Variants in ZFPM2 observed in about 807,000 individuals in gnomAD.
The protein encoded by ZFPM2 is zinc finger protein, FOG family member 2.
Under a neutral mutation model 98.6 loss-of-function variants are expected in ZFPM2, and 20 were observed. The observed-to-expected ratio is 0.20, with a 90% CI of 0.14 to 0.29. The LOEUF is 0.29. Ranked by LOEUF, ZFPM2 falls within the 10% of genes least tolerant of loss-of-function variation. The pLI, the probability that ZFPM2 is intolerant of heterozygous loss-of-function variation, is 1.00. For missense variants in ZFPM2, 1,310 were observed against 1,388.6 expected, an observed-to-expected ratio of 0.94 and a Z score of 0.90; for synonymous variants, 518 against 502.7, an observed-to-expected ratio of 1.03 and a Z score of -0.41.
At chr8:105,557,389 G>A (rs1308830141) in intron 3 of ZFPM2, among the ~76,000 whole-genome samples, 3 of 152,060 alleles carry the variant, frequency 2.0e-5, no homozygotes, top group African/African-American at 7.2e-5. Context: ...CTTCTTTATA[G>A]CTACTTTAAT....
chr8:105,506,166 G>C (rs1813694483), intron 3 of ZFPM2, among the ~76,000 whole-genome samples: 1 of 152,152 alleles, frequency 6.6e-6, no homozygotes, highest in African/African-American at 2.4e-5. Context: ...GCAGCAAGCA[G>C]TGAGCACTTG....
At chr8:105,419,053 C>A in intron 1 of ZFPM2, 91 bp from the exon 2 acceptor site, 2 of 1,235,194 alleles carry the variant, frequency 1.6e-6, no homozygotes. Context: ...ATTTTTCTCA[C>A]CACTGTAACA....
At chr8:105,458,535 G>A (rs1458416634) in intron 3 of ZFPM2, among the ~76,000 whole-genome samples, 1 of 151,970 alleles carries the variant, frequency 6.6e-6, no homozygotes, top group African/African-American at 2.4e-5. Flanking sequence ...ACAACAAATA[G>A]ACAAATATAT....
chr8:105,550,252 C>T (rs1167798859), intron 3 of ZFPM2, among the ~76,000 whole-genome samples: 3 of 152,156 alleles, frequency 2.0e-5, no homozygotes, highest in African/African-American at 7.2e-5. Context: ...GTCCTTCAGG[C>T]ACTCACATTC....
intron 6 of ZFPM2, among the ~76,000 whole-genome samples, chr8:105,793,604 C>T (rs186147268): frequency 6.6e-6 from 1 of 152,158 alleles, no homozygotes; most frequent in African/African-American, 2.4e-5. Flanking sequence ...GTGGTGTTCT[C>T]TGTATTTCCT....
At chr8:105,352,308 C>A (rs1161015442) in intron 1 of ZFPM2, among the ~76,000 whole-genome samples, 2 of 152,034 alleles carry the variant, frequency 1.3e-5, no homozygotes, top group Non-Finnish European at 2.9e-5. Flanking sequence ...TTAAAATATC[C>A]CTGTTCTTTC....
intron 1 of ZFPM2, among the ~76,000 whole-genome samples, chr8:105,411,046 A>G (rs886430848): frequency 6.6e-5 from 10 of 151,892 alleles, no homozygotes; most frequent in Admixed American, 5.3e-4. Flanking sequence ...TTCTCCAACG[A>G]TAGTAAAAAT....
Position 105,473,438 on chromosome 8 carries a change from A to C in ZFPM2, c.301+29057A>C, listed in dbSNP as rs562724022. Among the ~76,000 whole-genome samples the C allele has an allele frequency of 5.3e-5, 8 of 152,322 alleles. No individual in the cohort carries two copies. The South Asian group carries it at 1.7e-3, about 32-fold the overall frequency. On this transcript the variant is annotated intron_variant, in intron 3 of 7. Coordinates refer to ENST00000407775, the MANE Select transcript of ZFPM2 (RefSeq NM_012082.4). ...TTCATGTTTATACCATCTCTCCCTGACTAGCTGACTACCTCTTTATTTACA... is the reference window on the plus strand; with the variant it reads ...TTCATGTTTATACCATCTCTCCCTGCCTAGCTGACTACCTCTTTATTTACA...
chr8:105,449,463 A>G (rs1194110072), intron 3 of ZFPM2, among the ~76,000 whole-genome samples: 5 of 152,080 alleles, frequency 3.3e-5, no homozygotes, highest in Admixed American at 6.6e-5. Flanking sequence ...GGTCATTTCA[A>G]TAAAAATGAA....
intron 5 of ZFPM2, among the ~76,000 whole-genome samples, chr8:105,701,287 C>T (rs143593813): frequency 2.4e-4 from 36 of 152,214 alleles, no homozygotes; most frequent in African/African-American, 7.0e-4. Context: ...AAAGTCAGTT[C>T]TGTTGATATT....
chr8:105,546,980 G>A (rs12675048), intron 3 of ZFPM2, among the ~76,000 whole-genome samples: 1 of 151,550 alleles, frequency 6.6e-6, no homozygotes, highest in Non-Finnish European at 1.5e-5. Context: ...CCCTTTTTTT[G>A]GGGAGGAGGT....
chr8:105,393,328 C>CTGTCTGTCTG (rs879340957), intron 1 of ZFPM2, among the ~76,000 whole-genome samples: 1 of 109,918 alleles, frequency 9.1e-6, no homozygotes, highest in African/African-American at 4.3e-5. Flanking sequence ...TTCCCTCTCT[C>CTGTCTGTCTG]TCTCTTTGCC....
At chr8:105,796,269 G>GTATC (rs1813810802) in intron 6 of ZFPM2, among the ~76,000 whole-genome samples, 2 of 114,250 alleles carry the variant, frequency 1.8e-5, no homozygotes, top group Admixed American at 1.6e-4. Context: ...GATTCTAGGA[G>GTATC]TATCTGATGT....
rs187043152 is a variant in ZFPM2, at chr8:105,801,714, G to T, written c.1632G>T (p.Met544Ile). 1.7e-5 allele frequency: 28 copies of T among 1,613,666 alleles called. No homozygotes were observed. Among genetic ancestry groups the T allele is most frequent in the African/African-American group, 2.7e-5 (2 of 74,894 alleles). Reference sequence around the variant, plus strand: ...CTCCCGTCATTTACAGCCCTTTGATGCCCAAGGGGGCTACTTGTTTTGAGT... The same window carrying T: ...CTCCCGTCATTTACAGCCCTTTGATTCCCAAGGGGGCTACTTGTTTTGAGT... ...SYPPVIYSPL[M>I]PKGATCFECN... is the part of the protein sequence containing the mutation. The change falls in exon 8 of 8, where the codon ATG becomes ATT. Residue 544 changes from methionine (M) to isoleucine (I), a missense_variant. By Grantham distance (10) the Met-to-Ile change is conservative. Transcript: ENST00000407775.
At chr8:105,406,027 C>T (rs1286490176) in intron 1 of ZFPM2, among the ~76,000 whole-genome samples, 3 of 152,044 alleles carry the variant, frequency 2.0e-5, no homozygotes, top group Non-Finnish European at 2.9e-5. Context: ...TCTCTGATGG[C>T]CAGTGATGGT....
intron 1 of ZFPM2, among the ~76,000 whole-genome samples, chr8:105,323,837 G>A (rs540734975): frequency 2.0e-5 from 3 of 151,952 alleles, no homozygotes; most frequent in Admixed American, 2.0e-4. Context: ...TTGCTTAAGA[G>A]TTTAGGGCTA....
chr8:105,503,401 G>A (rs1489403099), intron 3 of ZFPM2, among the ~76,000 whole-genome samples: 2 of 152,138 alleles, frequency 1.3e-5, no homozygotes, highest in South Asian at 2.1e-4. Flanking sequence ...TCATATGCTG[G>A]TGAGCAATAA....
intron 5 of ZFPM2, among the ~76,000 whole-genome samples, chr8:105,650,297 G>C (rs7825322): frequency 4.0e-5 from 6 of 151,692 alleles, no homozygotes; most frequent in Non-Finnish European, 8.8e-5. Flanking sequence ...CTAGTGGTCT[G>C]TCAATTTTGT....
chr8:105,418,251 T>C (rs764021406), intron 1 of ZFPM2, among the ~76,000 whole-genome samples: 2 of 152,142 alleles, frequency 1.3e-5, no homozygotes, highest in Non-Finnish European at 2.9e-5. Context: ...TTGTGTTCTT[T>C]GGATAAAATG....
Sources: allele counts gnomAD v4.1 joint callset (sites outside exome capture counted in the v4.1 genomes callset), GRCh38; gene constraint gnomAD v4.1.1; transcripts MANE v1.5; gene names NCBI Gene and HGNC (gene_info 2026-07-23, HGNC 2026-07-21).